PID1: variants seen among roughly 807,000 people sequenced by gnomAD.
PID1 encodes phosphotyrosine interaction domain containing 1.
Under a neutral mutation model 19.1 loss-of-function variants are expected in PID1, and 10 were observed. The observed-to-expected ratio is 0.52, with a 90% CI of 0.32 to 0.89. PID1 has a LOEUF of 0.89. PID1 is among the 40% of genes least tolerant of loss of function. The pLI, the probability that PID1 is intolerant of heterozygous loss-of-function variation, is 0.03. For missense variants in PID1, 248 were observed against 285.3 expected, an observed-to-expected ratio of 0.87 and a Z score of 0.94; for synonymous variants, 130 against 116.0, an observed-to-expected ratio of 1.12 and a Z score of -0.78.
chr2:229,039,512 G>T (rs1381101183), intron 2 of PID1, among the ~76,000 whole-genome samples: 1 of 152,218 alleles, frequency 6.6e-6, no homozygotes, highest in East Asian at 1.9e-4. Context: ...TATATCCCTT[G>T]CAACTATTTA....
intron 1 of PID1, among the ~76,000 whole-genome samples, chr2:229,187,313 A>G (rs2106227307): frequency 6.6e-6 from 1 of 152,288 alleles, no homozygotes; most frequent in Admixed American, 6.5e-5. Flanking sequence ...TTACTGTATT[A>G]GTCCATTTTC....
intron 2 of PID1, among the ~76,000 whole-genome samples, chr2:229,072,629 C>T (rs1694479968): frequency 6.6e-6 from 1 of 151,864 alleles, no homozygotes; most frequent in South Asian, 2.1e-4. Context: ...TTGTCCAAAT[C>T]TAGTGGTAGA....
chr2:229,109,822 A>C (rs1461295424), intron 2 of PID1, among the ~76,000 whole-genome samples: 1 of 152,242 alleles, frequency 6.6e-6, no homozygotes, highest in African/African-American at 2.4e-5. Context: ...TTGTGTAGCC[A>C]GGGCTGCAGA....
chr2:229,194,834 T>C (rs1484137115), intron 1 of PID1, among the ~76,000 whole-genome samples: 1 of 151,976 alleles, frequency 6.6e-6, no homozygotes, highest in Non-Finnish European at 1.5e-5. Flanking sequence ...TACAAATATA[T>C]ACATATGCAA....
intron 2 of PID1, among the ~76,000 whole-genome samples, chr2:229,126,611 G>T (rs1352162163): frequency 6.6e-6 from 1 of 152,158 alleles, no homozygotes; most frequent in African/African-American, 2.4e-5. Context: ...CTGATAAAGG[G>T]ATTTAATGTA....
chr2:229,222,902 T>C (rs1419940), intron 1 of PID1, among the ~76,000 whole-genome samples: 1,233 of 34,526 alleles, frequency 0.036, 21 homozygotes, highest in African/African-American at 0.21. Context: ...CACACACACA[T>C]GTACCCTATT....
At chr2:229,244,642 A>G (rs1689954789) in intron 1 of PID1, among the ~76,000 whole-genome samples, 1 of 152,092 alleles carries the variant, frequency 6.6e-6, no homozygotes, top group Admixed American at 6.6e-5. Flanking sequence ...TTTATTTTGT[A>G]ACCCCCCAAA....
At chr2:229,262,586 GGCTATATGGTTTCACTGGTGTAGTA>G in intron 1 of PID1, 1 of 1,471,266 alleles carries the variant, frequency 6.8e-7, no homozygotes, top group South Asian at 1.4e-5. Flanking sequence ...ATAGTCAAGA[GGCTATATGGTTTCACTGGTGTAGTA>G]GCTACCTAGG....
chr2:229,072,555 T>A (rs111923539), intron 2 of PID1, among the ~76,000 whole-genome samples: 6,510 of 150,102 alleles, frequency 0.043, 468 homozygotes, highest in African/African-American at 0.15. Context: ...ACCACATCGC[T>A]CCAGCCTGGG....
intron 1 of PID1, among the ~76,000 whole-genome samples, chr2:229,270,372 A>G (rs1690702472): frequency 6.6e-6 from 1 of 152,278 alleles, no homozygotes. Context: ...CCAGAATCCA[A>G]TTCAAGGCAG....
At chr2:229,028,766 A>T (rs924516449) in intron 2 of PID1, among the ~76,000 whole-genome samples, 1 of 152,234 alleles carries the variant, frequency 6.6e-6, no homozygotes, top group African/African-American at 2.4e-5. Context: ...AGGAACAGAA[A>T]ACCAAATGCC....
At chr2:229,061,671 T>C (rs1694214663) in intron 2 of PID1, among the ~76,000 whole-genome samples, 1 of 152,034 alleles carries the variant, frequency 6.6e-6, no homozygotes, top group Admixed American at 6.6e-5. Flanking sequence ...TGACAGAAAT[T>C]GTATTGACCC....
chr2:229,270,944 C>A (rs560478424), intron 1 of PID1, 70 bp downstream of exon 1: 4 of 1,421,212 alleles, frequency 2.8e-6, no homozygotes, highest in African/African-American at 2.9e-5. Context: ...TAGGCAGAAG[C>A]AAAAACTAGG....
chr2:229,093,231 C>T (rs1425553710), intron 2 of PID1, among the ~76,000 whole-genome samples: 1 of 150,502 alleles, frequency 6.6e-6, no homozygotes, highest in Non-Finnish European at 1.5e-5. Flanking sequence ...TCAAGTGGTT[C>T]TTGTGCCTCA....
chr2:229,115,466 CAAAA>C (rs1695392834), intron 2 of PID1, among the ~76,000 whole-genome samples: 1 of 143,078 alleles, frequency 7.0e-6, no homozygotes, highest in South Asian at 2.2e-4. Flanking sequence ...TGAAGAAAAA[CAAAA>C]GAAGAAGAAG....
chr2:229,096,858 C>G (rs898406276), intron 2 of PID1, among the ~76,000 whole-genome samples: 3 of 152,096 alleles, frequency 2.0e-5, no homozygotes, highest in African/African-American at 7.2e-5. Context: ...AGTTGGATCT[C>G]AAGACAAGGG....
intron 2 of PID1, among the ~76,000 whole-genome samples, chr2:229,059,142 A>C (rs1574594175): frequency 6.6e-6 from 1 of 152,214 alleles, no homozygotes; most frequent in East Asian, 1.9e-4. Context: ...CAAAAAAACG[A>C]AATGGATGAG....
chr2:229,098,513 C>T (rs1268660801), intron 2 of PID1, among the ~76,000 whole-genome samples: 3 of 151,956 alleles, frequency 2.0e-5, no homozygotes, highest in South Asian at 2.1e-4. Flanking sequence ...ATCGTGTGCC[C>T]GTAATTTTCT....
At chr2:229,037,452 C>T (rs746615397) in intron 2 of PID1, among the ~76,000 whole-genome samples, 2 of 152,114 alleles carry the variant, frequency 1.3e-5, no homozygotes, top group Non-Finnish European at 2.9e-5. Context: ...TCCAATGATG[C>T]AGGGTGACTT....
Sources: gnomAD v4.1 joint callset for allele counts (sites outside exome capture counted in the v4.1 genomes callset) on GRCh38, gnomAD v4.1.1 for gene constraint, MANE v1.5 for transcripts, NCBI Gene and HGNC (gene_info 2026-07-23, HGNC 2026-07-21) for gene names.